The following NSF variants were observed in gnomAD, a reference collection of about 807,000 sequenced individuals.
NSF encodes the protein N-ethylmaleimide sensitive factor, vesicle fusing ATPase.
Under a neutral mutation model 50.3 loss-of-function variants are expected in NSF, and 14 were observed. That is an observed-to-expected ratio of 0.28 (90% CI 0.18 to 0.44). NSF has a LOEUF of 0.44. Ranked by LOEUF, NSF falls within the 20% of genes least tolerant of loss-of-function variation. NSF has a pLI of 1.00. For synonymous variants in NSF, 109 were observed against 175.7 expected (o/e 0.62, Z 3.00); for missense variants, 218 against 504.3 (o/e 0.43, Z 5.44).
intron 17 of NSF, among the ~76,000 whole-genome samples, chr17:46,745,233 T>C (rs1261818609): frequency 6.6e-6 from 1 of 152,238 alleles, no homozygotes; most frequent in East Asian, 1.9e-4. Flanking sequence ...CACTTTAATA[T>C]ATTCGGAGCT....
chr17:46,710,228 A>G (rs1286294473), intron 13 of NSF, among the ~76,000 whole-genome samples: 4 of 152,212 alleles, frequency 2.6e-5, no homozygotes, highest in Admixed American at 2.6e-4. Flanking sequence ...CCTCATGAAA[A>G]TCCAGTTCAA....
intron 13 of NSF, among the ~76,000 whole-genome samples, chr17:46,707,196 A>G (rs2058665428): frequency 6.6e-6 from 1 of 152,166 alleles, no homozygotes; most frequent in African/African-American, 2.4e-5. Flanking sequence ...ATGAGATCTC[A>G]TTTCAGTCTT....
chr17:46,750,966 T>A (rs1205996742), intron 18 of NSF, among the ~76,000 whole-genome samples: 1 of 152,232 alleles, frequency 6.6e-6, no homozygotes, highest in Admixed American at 6.5e-5. Flanking sequence ...ATTTAACTTT[T>A]AATATCAATA....
At position 46,736,474 on chromosome 17, in the gene NSF, C is replaced by T. The variant is rs2146311051; in HGVS notation, c.1908+7540C>T. ...GTGTCCTTGGGGATCTCACAATGGCCAGAAGCCCTGGCCCTCCCTCTACTC... is the reference window on the plus strand; with the variant it reads ...GTGTCCTTGGGGATCTCACAATGGCTAGAAGCCCTGGCCCTCCCTCTACTC... On this transcript the variant is annotated intron_variant, in intron 17 of 20. Transcript: ENST00000398238. 2.0e-5 allele frequency among the ~76,000 whole-genome samples: 3 copies of T among 152,328 alleles called. No homozygotes were observed. In the South Asian group the frequency reaches 6.2e-4, roughly 32 times the overall value.
At chr17:46,622,409 T>G (rs2146135171) in intron 1 of NSF, among the ~76,000 whole-genome samples, 1 of 149,022 alleles carries the variant, frequency 6.7e-6, no homozygotes, top group Non-Finnish European at 1.5e-5. Flanking sequence ...AGTAAGCCGA[T>G]ATCGCACCAG....
At chr17:46,704,615 A>G in intron 12 of NSF, 144 bp from the exon 13 acceptor site, 2 of 799,510 alleles carry the variant, frequency 2.5e-6, no homozygotes, top group Non-Finnish European at 3.8e-6. Flanking sequence ...CCCTTATCAC[A>G]TATATGGTTT....
At chr17:46,729,099 T>G (rs1429419916) in intron 17 of NSF, among the ~76,000 whole-genome samples, 165 bp downstream of exon 17, 2 of 152,184 alleles carry the variant, frequency 1.3e-5, no homozygotes, top group African/African-American at 4.8e-5. Flanking sequence ...AGGTAAATTA[T>G]TTTATCAACA....
At chr17:46,684,723 A>G (rs957811093) in intron 9 of NSF, among the ~76,000 whole-genome samples, 1 of 145,656 alleles carries the variant, frequency 6.9e-6, no homozygotes, top group African/African-American at 2.6e-5. Context: ...ACAAAAATTA[A>G]CTCAAGATGG....
intron 17 of NSF, among the ~76,000 whole-genome samples, chr17:46,736,169 C>G (rs2059002654): frequency 6.6e-6 from 1 of 152,170 alleles, no homozygotes; most frequent in African/African-American, 2.4e-5. Context: ...CTTCCTACAT[C>G]CTAAGACAAA....
chr17:46,708,625 G>A (rs1355405397), intron 13 of NSF, among the ~76,000 whole-genome samples: 1 of 146,658 alleles, frequency 6.8e-6, no homozygotes, highest in Non-Finnish European at 1.5e-5. Flanking sequence ...CCCAGTAGCT[G>A]GGATTGTAGG....
chr17:46,715,796 A>G (rs1218651714), intron 15 of NSF, among the ~76,000 whole-genome samples: 1 of 152,232 alleles, frequency 6.6e-6, no homozygotes, highest in Non-Finnish European at 1.5e-5. Context: ...TTAATCTTCA[A>G]ATTGTTGAAG....
rs1196066355 is a variant in NSF at position 46,751,517 on chromosome 17, C to A, written c.2058C>A (p.Phe686Leu). 6.2e-7 allele frequency: 1 copy of A among 1,613,864 alleles called. No homozygotes were observed. The highest frequency in any genetic ancestry group is 1.1e-5 in the South Asian group (1 of 91,036). ...LLEALELLGN[F>L]KDKERTTIAQ... ...TGTTTTTGTAGCTTTTGGGCAACTTCAAGGATAAGGAACGCACCACAATTG... is the reference window on the plus strand; with the variant it reads ...TGTTTTTGTAGCTTTTGGGCAACTTAAAGGATAAGGAACGCACCACAATTG... Residue 686 changes from phenylalanine to leucine, a missense_variant, in exon 19 of 21, where the codon TTC (phenylalanine) becomes TTA (leucine). By Grantham distance (22) the Phe-to-Leu change is conservative. Around this residue, in one of 2 missense-constraint regions of NSF, gnomAD observed 209 missense variants for 320.9 expected, o/e 0.65. Transcript: ENST00000398238.
At chr17:46,633,607 C>T (rs2058154616) in intron 4 of NSF, among the ~76,000 whole-genome samples, 1 of 134,518 alleles carries the variant, frequency 7.4e-6, no homozygotes, top group Non-Finnish European at 1.6e-5. Flanking sequence ...ACATTTTATT[C>T]ATTGTTCTCC....
At chr17:46,753,242 TAGTGTGGG>T (rs2059201315) in intron 19 of NSF, among the ~76,000 whole-genome samples, 1 of 152,240 alleles carries the variant, frequency 6.6e-6, no homozygotes, top group South Asian at 2.1e-4. Flanking sequence ...TGCATTCTGC[TAGTGTGGG>T]CAGTGAGCGG....
At chr17:46,738,612 G>A (rs143236472) in intron 17 of NSF, among the ~76,000 whole-genome samples, 23 of 152,256 alleles carry the variant, frequency 1.5e-4, no homozygotes, top group African/African-American at 5.1e-4. Flanking sequence ...AGGTAGATAC[G>A]GTGTGCCCTG....
At chr17:46,696,046 CATTA>C (rs1233836445) in intron 12 of NSF, among the ~76,000 whole-genome samples, 1 of 108,184 alleles carries the variant, frequency 9.2e-6, no homozygotes, top group Non-Finnish European at 1.7e-5. Flanking sequence ...GGTCATCAGA[CATTA>C]ATTTATTTTT....
At chr17:46,740,079 T>C (rs2059054871) in intron 17 of NSF, among the ~76,000 whole-genome samples, 1 of 152,220 alleles carries the variant, frequency 6.6e-6, no homozygotes, top group Non-Finnish European at 1.5e-5. Context: ...TGTCCTTGCC[T>C]GTCAGTTTTA....
At chr17:46,721,915 C>T in intron 15 of NSF, 2 of 1,593,528 alleles carry the variant, frequency 1.3e-6, no homozygotes, top group East Asian at 4.5e-5. Flanking sequence ...TGAACTTTTT[C>T]TCCAATTCGC....
chr17:46,728,723 C>G (rs1242313152), intron 16 of NSF, 132 bp from the exon 17 acceptor site: 1 of 431,960 alleles, frequency 2.3e-6, no homozygotes, highest in East Asian at 3.5e-5. Context: ...TTTTTTTTTT[C>G]TTATTCTATA....
Sources: gnomAD v4.1 joint callset for allele counts (sites outside exome capture counted in the v4.1 genomes callset) on GRCh38, gnomAD v4.1.1 for gene constraint, gnomAD v4.1.1 regional missense constraint, MANE v1.5 for transcripts, NCBI Gene and HGNC (gene_info 2026-07-23, HGNC 2026-07-21) for gene names.